Variants in RHOD observed in about 807,000 individuals in gnomAD.
RHOD encodes the protein ras homolog family member D, also known as rho-related GTP-binding protein RhoD.
RHOD carries 11 observed loss-of-function variants against 16.7 expected under a neutral mutation model. The ratio of observed to expected loss-of-function variants is 0.66; its 90% confidence interval spans 0.41 to 1.09. The LOEUF (loss-of-function observed/expected upper bound fraction) is 1.09, where lower values mean the gene tolerates loss of function less well. Among genes scored for constraint, RHOD ranks in the 50% least tolerant of loss-of-function variants. The pLI, the probability that RHOD is intolerant of heterozygous loss-of-function variation, is 0.00. For missense variants in RHOD, 271 were observed against 291.7 expected (o/e 0.93, Z 0.52); for synonymous variants, 124 against 126.3 (o/e 0.98, Z 0.12).
At position 67,067,781 on chromosome 11, in the gene RHOD, G is replaced by C. The variant is rs1192262828; in HGVS notation, c.330+934G>C. ...TTTCTTGTTGGATTGGATGTGGGTGGGAGGGAGGAGTTTTTTTGTTTGTTT... is the reference window on the plus strand; with the variant it reads ...TTTCTTGTTGGATTGGATGTGGGTGCGAGGGAGGAGTTTTTTTGTTTGTTT... On this transcript the variant is annotated intron_variant, in intron 3 of 4. Transcript: ENST00000308831. Among the ~76,000 whole-genome samples, 3 of 140,330 alleles carry C rather than the reference G, an allele frequency of 2.1e-5. No homozygotes were observed. In the Admixed American group the frequency reaches 2.3e-4, roughly 11 times the overall value. The allele number at this position is 140,330 out of a possible 152,430, so 92.1% of individuals were successfully genotyped here.
chr11:67,071,838 A>G lies in RHOD; in HGVS notation c.*236A>G, dbSNP rs1039433804. On this transcript the variant is annotated 3_prime_UTR_variant, in exon 5 of 5. Coordinates refer to ENST00000308831, the MANE Select transcript of RHOD (RefSeq NM_014578.4). The stretch of plus-strand genomic sequence containing the variant: ...GCCCGAGAATCACTCGCTAACCCCT[A>G]TGCCCGGTCCCGGACCGACATCCTG... 5 of 461,402 alleles carry G rather than the reference A, an allele frequency of 1.1e-5. No homozygotes were observed. The East Asian group carries it at 1.4e-4, about 13-fold the overall frequency. 28.6% of individuals were successfully genotyped at this position (461,402 alleles called of 1,614,324 possible). A position where few individuals can be genotyped will look rare whatever the true frequency, so the allele number is the denominator to read the frequency against.
Position 67,065,915 on chromosome 11 carries a change from TTGA to T in RHOD, c.153_155del (p.Phe51_Glu52delinsLeu). 6.2e-7 allele frequency: 1 copy of T among 1,613,988 alleles called. No homozygotes were observed. Among genetic ancestry groups the T allele is most frequent in the Non-Finnish European group, 8.5e-7 (1 of 1,179,916 alleles). On this transcript the variant is annotated inframe_deletion, in exon 2 of 5. Transcript: ENST00000308831. ...CCTCAGAGCTACACCCCCACGGTGT[TTGA>T]GCGGTACATGGTCAACCTGCAAGTG... is the stretch of plus-strand genomic sequence containing the variant.
chr11:67,063,934 C>T (rs986688702), intron 1 of RHOD, among the ~76,000 whole-genome samples: 1 of 150,412 alleles, frequency 6.6e-6, no homozygotes, highest in African/African-American at 2.5e-5. Context: ...GGTGAAACCC[C>T]GTCTCTACTA....
In RHOD at chr11:67,071,801, T is replaced by C; in HGVS notation, c.*199T>C. 1 of 542,022 alleles carries C rather than the reference T, an allele frequency of 1.8e-6. No individual in the cohort carries two copies. The highest frequency in any genetic ancestry group is 3.2e-6 in the Non-Finnish European group (1 of 315,658). 33.6% of individuals were successfully genotyped at this position (542,022 alleles called of 1,614,324 possible). On this transcript the variant is annotated 3_prime_UTR_variant, in exon 5 of 5. Coordinates refer to ENST00000308831, the MANE Select transcript of RHOD (RefSeq NM_014578.4). The stretch of plus-strand genomic sequence containing the variant: ...TGGGCCCACCTGCTCTGTGTAGGGC[T>C]CGTCCTGCGGTGCCCGAGAATCACT...
chr11:67,069,943 A>T (rs1855005830), intron 3 of RHOD, among the ~76,000 whole-genome samples: 1 of 152,178 alleles, frequency 6.6e-6, no homozygotes, highest in East Asian at 1.9e-4. Flanking sequence ...CACCTGCCTC[A>T]GGCTCCCAAA....
rs187225128 is a variant in RHOD at position 67,068,474 on chromosome 11, C to T, written c.330+1627C>T. ...CAGTCAGGTAGGAGGGAGTGATGCC[C>T]AGGGTCGGGGTTATCGAGGGATCAG... On this transcript the variant is annotated intron_variant, in intron 3 of 4. Coordinates refer to ENST00000308831, the MANE Select transcript of RHOD (RefSeq NM_014578.4). 3.9e-5 allele frequency among the ~76,000 whole-genome samples: 6 copies of T among 152,148 alleles called. No individual in the cohort carries two copies. The East Asian group carries it at 1.2e-3, about 30-fold the overall frequency.
intron 1 of RHOD, among the ~76,000 whole-genome samples, chr11:67,064,890 C>T (rs184209509): frequency 3.9e-4 from 60 of 152,006 alleles, no homozygotes; most frequent in South Asian, 2.3e-3. Flanking sequence ...GCACTCCAGC[C>T]TGGGAAACAC....
In RHOD at chr11:67,065,951, A is replaced by G; in HGVS notation, c.188A>G (p.Lys63Arg). 1.9e-6 allele frequency: 3 copies of G among 1,611,242 alleles called. No individual in the cohort carries two copies. The highest frequency in any genetic ancestry group is 2.5e-6 in the Non-Finnish European group (3 of 1,178,468). The change falls in exon 2 of 5, where the codon AAA becomes AGA. Residue 63 changes from lysine to arginine, a missense_variant. Coordinates refer to ENST00000308831, the MANE Select transcript of RHOD (RefSeq NM_014578.4). Reference sequence around the variant, plus strand: ...ATGGTCAACCTGCAAGTGAAAGGCAAACCTGTGCACCTCCACATCTGGGAC... The same window carrying G: ...ATGGTCAACCTGCAAGTGAAAGGCAGACCTGTGCACCTCCACATCTGGGAC... ...RYMVNLQVKG[K>R]PVHLHIWDTA...
chr11:67,066,803 T>C lies in RHOD; in HGVS notation c.286T>C (p.Phe96Leu), dbSNP rs1410491689. 1.1e-5 allele frequency: 18 copies of C among 1,614,088 alleles called. No homozygotes were observed. Among genetic ancestry groups the C allele is most frequent in the Non-Finnish European group, 1.5e-5 (18 of 1,179,938 alleles). Residue 96 changes from phenylalanine to leucine, a missense_variant, in exon 3 of 5, where the codon TTC becomes CTC. Transcript: ENST00000308831. ...TGACGCCAGCGTCCTGCTGCTTTGC[T>C]TCGATGTCACCAGCCCGAACAGCTT... The part of the protein sequence containing the change: ...YPDASVLLLC[F>L]DVTSPNSFDN...
intron 1 of RHOD, among the ~76,000 whole-genome samples, chr11:67,063,800 C>CAA (rs71045978): frequency 2.4e-3 from 92 of 37,824 alleles, no homozygotes; most frequent in East Asian, 3.8e-3. Flanking sequence ...GACTCTCTCT[C>CAA]AAAAAAAAAA....
At chr11:67,069,548 G>A (rs12363897) in intron 3 of RHOD, among the ~76,000 whole-genome samples, 6,197 of 151,696 alleles carry the variant, frequency 0.041, 202 homozygotes, top group Middle Eastern at 0.061. Context: ...TAGTAGAGAC[G>A]GGGTTTCCCC....
intron 1 of RHOD, among the ~76,000 whole-genome samples, chr11:67,060,928 C>T (rs369663341): frequency 2.6e-5 from 4 of 152,364 alleles, no homozygotes; most frequent in African/African-American, 9.6e-5. Context: ...GTGCCCTTCA[C>T]AATGACAGGC....
chr11:67,062,459 G>C (rs60403769), intron 1 of RHOD, among the ~76,000 whole-genome samples: 2,837 of 152,256 alleles, frequency 0.019, 88 homozygotes, highest in African/African-American at 0.065. Flanking sequence ...GGGATGGAGA[G>C]GTAGGTGAGG....
intron 3 of RHOD, among the ~76,000 whole-genome samples, chr11:67,068,013 A>G (rs1279107069): frequency 6.6e-6 from 1 of 152,042 alleles, no homozygotes; most frequent in Non-Finnish European, 1.5e-5. Flanking sequence ...GTTAGCCAGG[A>G]TGGTCTTGAT....
rs201583310 is a variant in RHOD, at chr11:67,070,447, T to C, written c.353T>C (p.Phe118Ser). 17 of 1,613,930 alleles carry C rather than the reference T, an allele frequency of 1.1e-5. No homozygotes were observed. In the East Asian group the frequency reaches 3.8e-4, roughly 36 times the overall value. ...FNRWYPEVNH[F>S]CKKVPIIVVG... ...CAGTGGTACCCAGAAGTGAATCATTTCTGCAAGAAGGTACCCATCATCGTC... is the reference window on the plus strand; with the variant it reads ...CAGTGGTACCCAGAAGTGAATCATTCCTGCAAGAAGGTACCCATCATCGTC... Residue 118 changes from phenylalanine (F) to serine (S), a missense_variant, in exon 4 of 5, where the codon TTC becomes TCC. By Grantham distance (155) the Phe-to-Ser change is radical. Transcript: ENST00000308831.
Position 67,057,024 on chromosome 11 carries a change from C to A in RHOD, c.122C>A (p.Ala41Asp), listed in dbSNP as rs1466855170. ...TSLLMVFADG[A>D]FPESYTPTVF... ...CTGCTGATGGTCTTCGCCGATGGGG[C>A]CTTCCCCGAGGTGAGTGCCCCGCGC... Residue 41 changes from alanine to aspartate, a missense_variant, in exon 1 of 5, where the codon GCC (alanine) becomes GAC (aspartate). Ala to Asp is a moderately radical substitution (Grantham distance 126). Transcript: ENST00000308831. 1 of 1,493,182 alleles carries A rather than the reference C, an allele frequency of 6.7e-7. No individual in the cohort carries two copies. Among genetic ancestry groups the A allele is most frequent in the East Asian group, 2.8e-5 (1 of 35,366 alleles). 92.5% of individuals were successfully genotyped at this position (1,493,182 alleles called of 1,614,324 possible). A position where few individuals can be genotyped will look rare whatever the true frequency, so the allele number is the denominator to read the frequency against.
In RHOD at chr11:67,066,819, C is replaced by T. The variant is rs775551040; in HGVS notation, c.302C>T (p.Pro101Leu). ...CTGCTTTGCTTCGATGTCACCAGCC[C>T]GAACAGCTTTGACAACATCTTTAAC... Reference protein sequence around the residue: ...VLLLCFDVTSPNSFDNIFNRW... With the variant: ...VLLLCFDVTSLNSFDNIFNRW... Residue 101 changes from proline to leucine, a missense_variant, in exon 3 of 5, where the codon CCG becomes CTG. Coordinates refer to ENST00000308831, the MANE Select transcript of RHOD (RefSeq NM_014578.4). The T allele has an allele frequency of 5.0e-6, 8 of 1,613,652 alleles. No individual in the cohort carries two copies. The highest frequency in any genetic ancestry group is 6.8e-6 in the Non-Finnish European group (8 of 1,179,562).
At chr11:67,063,489 T>A (rs1854916673) in intron 1 of RHOD, among the ~76,000 whole-genome samples, 1 of 124,284 alleles carries the variant, frequency 8.0e-6, no homozygotes. Flanking sequence ...TGAGACCCTA[T>A]CTTTTTTTTT....
intron 1 of RHOD, among the ~76,000 whole-genome samples, chr11:67,059,483 C>T (rs1040086222): frequency 2.0e-5 from 3 of 152,036 alleles, no homozygotes; most frequent in African/African-American, 4.8e-5. Flanking sequence ...GTGGAGGTTG[C>T]AGTGAACCGA....
Sources: allele counts gnomAD v4.1 joint callset (sites outside exome capture counted in the v4.1 genomes callset), GRCh38; gene constraint gnomAD v4.1.1; transcripts MANE v1.5; gene names NCBI Gene and HGNC (gene_info 2026-07-23, HGNC 2026-07-21).